Variants in GALNT13 observed in about 807,000 individuals in gnomAD.
The protein encoded by GALNT13 is polypeptide N-acetylgalactosaminyltransferase 13.
A neutral mutation model predicts 64.2 loss-of-function variants in GALNT13; 28 were observed. That is an observed-to-expected ratio of 0.44 (90% CI 0.32 to 0.60). The LOEUF (loss-of-function observed/expected upper bound fraction) is 0.60. GALNT13 is among the 20% of genes least tolerant of loss of function. The pLI is 0.05. For synonymous variants in GALNT13, 214 were observed against 224.6 expected (o/e 0.95, Z 0.42); for missense variants, 577 against 669.8 (o/e 0.86, Z 1.53).
the GALNT13 span, among the ~76,000 whole-genome samples, chr2:153,105,996 AAGTCTC>A: frequency 6.6e-6 from 1 of 152,150 alleles, no homozygotes; most frequent in Non-Finnish European, 1.5e-5. Context: ...TAGAGCTGTC[AAGTCTC>A]TGTTGACATG....
At chr2:154,075,264 A>C (rs1319197769) in intron 3 of GALNT13, among the ~76,000 whole-genome samples, 1 of 151,726 alleles carries the variant, frequency 6.6e-6, no homozygotes, top group East Asian at 1.9e-4. Flanking sequence ...TCTCAACCTA[A>C]AATAAGAGTT....
At chr2:153,145,091 G>T in the GALNT13 span, among the ~76,000 whole-genome samples, 1 of 151,938 alleles carries the variant, frequency 6.6e-6, no homozygotes, top group African/African-American at 2.4e-5. Context: ...TAGATATGAA[G>T]AAGTGAAAGG....
chr2:153,148,127 C>G, the GALNT13 span, among the ~76,000 whole-genome samples: 1 of 151,894 alleles, frequency 6.6e-6, no homozygotes, highest in East Asian at 1.9e-4. Flanking sequence ...GCCGCTACTT[C>G]CTTTTAAAAA....
intron 2 of GALNT13, among the ~76,000 whole-genome samples, chr2:153,931,404 G>A (rs1690508367): frequency 6.6e-6 from 1 of 151,578 alleles, no homozygotes. Context: ...AGTGAGAGTG[G>A]GCTTCCTTGT....
the GALNT13 span, among the ~76,000 whole-genome samples, chr2:153,549,785 G>A: frequency 8.0e-6 from 1 of 124,600 alleles, no homozygotes; most frequent in African/African-American, 3.7e-5. Flanking sequence ...CTATTTAGTG[G>A]ACTAGATGCC....
intron 3 of GALNT13, among the ~76,000 whole-genome samples, chr2:154,119,914 C>T (rs1681834435): frequency 6.6e-6 from 1 of 152,122 alleles, no homozygotes; most frequent in Non-Finnish European, 1.5e-5. Context: ...CTTTTTCAGT[C>T]ATTTCAATGA....
chr2:153,211,444 A>G, the GALNT13 span, among the ~76,000 whole-genome samples: 1 of 152,204 alleles, frequency 6.6e-6, no homozygotes, highest in South Asian at 2.1e-4. Context: ...CACCCAGCCG[A>G]CAAACCTTTT....
chr2:154,030,272 TA>T (rs924700336), intron 3 of GALNT13, among the ~76,000 whole-genome samples: 26 of 151,966 alleles, frequency 1.7e-4, no homozygotes, highest in Non-Finnish European at 3.4e-4. Flanking sequence ...ACACCGAAGT[TA>T]AAAAGAAAAT....
the GALNT13 span, among the ~76,000 whole-genome samples, chr2:153,682,085 A>G: frequency 1.3e-5 from 2 of 151,738 alleles, no homozygotes; most frequent in Non-Finnish European, 1.5e-5. Flanking sequence ...GTACACTACT[A>G]TGCACCATGT....
intron 1 of GALNT13, among the ~76,000 whole-genome samples, chr2:153,883,415 C>T (rs1686916281): frequency 6.6e-6 from 1 of 152,014 alleles, no homozygotes; most frequent in Non-Finnish European, 1.5e-5. Context: ...TGATTTACAA[C>T]TCAGCATACC....
intron 9 of GALNT13, among the ~76,000 whole-genome samples, chr2:154,359,377 G>A (rs1696934425): frequency 6.6e-6 from 1 of 152,086 alleles, no homozygotes; most frequent in Admixed American, 6.6e-5. Context: ...CCAAGAGTGA[G>A]CAGGTGGGCA....
chr2:153,562,441 G>A, the GALNT13 span, among the ~76,000 whole-genome samples: 2 of 151,986 alleles, frequency 1.3e-5, no homozygotes. Context: ...TTCATACACT[G>A]TGTCTGTCTT....
the GALNT13 span, among the ~76,000 whole-genome samples, chr2:153,577,693 G>A: frequency 6.6e-6 from 1 of 151,784 alleles, no homozygotes; most frequent in Admixed American, 6.6e-5. Flanking sequence ...TGGACTATTG[G>A]CTTTCAGTCC....
chr2:153,814,880 G>T, the GALNT13 span, among the ~76,000 whole-genome samples: 1 of 152,166 alleles, frequency 6.6e-6, no homozygotes, highest in Non-Finnish European at 1.5e-5. Flanking sequence ...GTTGGAGGTA[G>T]AAAATTCCAT....
At chr2:153,701,964 G>T in the GALNT13 span, among the ~76,000 whole-genome samples, 1 of 152,046 alleles carries the variant, frequency 6.6e-6, no homozygotes, top group South Asian at 2.1e-4. Context: ...ATTTGACCCA[G>T]TAATCCCATT....
intron 12 of GALNT13, among the ~76,000 whole-genome samples, chr2:154,440,380 G>A (rs760340059): frequency 1.9e-4 from 29 of 151,454 alleles, no homozygotes; most frequent in Non-Finnish European, 3.8e-4. Flanking sequence ...TAGCAATTTG[G>A]TGTATATTTT....
At chr2:153,414,478 A>G in the GALNT13 span, among the ~76,000 whole-genome samples, 2 of 138,178 alleles carry the variant, frequency 1.4e-5, no homozygotes, top group South Asian at 2.3e-4. Flanking sequence ...GGATAAAAAG[A>G]TTTTTTTTTT....
At chr2:154,295,747 C>T (rs1692886216) in intron 8 of GALNT13, among the ~76,000 whole-genome samples, 1 of 152,018 alleles carries the variant, frequency 6.6e-6, no homozygotes, top group African/African-American at 2.4e-5. Flanking sequence ...CTCTTCTCTC[C>T]CTAGGCCCAT....
At chr2:153,836,243 A>C in the GALNT13 span, among the ~76,000 whole-genome samples, 457 of 151,952 alleles carry the variant, frequency 3.0e-3, 5 homozygotes, top group African/African-American at 0.01. Context: ...GCACAACCTG[A>C]TATTTTGATA....
Sources: allele counts gnomAD v4.1 joint callset (sites outside exome capture counted in the v4.1 genomes callset), GRCh38; gene constraint gnomAD v4.1.1; transcripts MANE v1.5; gene names NCBI Gene and HGNC (gene_info 2026-07-23, HGNC 2026-07-21).